Variants in PIK3CG observed in about 807,000 individuals in gnomAD.
PIK3CG encodes the protein phosphatidylinositol 4,5-bisphosphate 3-kinase catalytic subunit gamma isoform.
PIK3CG carries 55 observed loss-of-function variants against 102.3 expected under a neutral mutation model. The ratio of observed to expected loss-of-function variants is 0.54; its 90% confidence interval spans 0.43 to 0.67. The LOEUF is 0.67. PIK3CG is among the 30% of genes least tolerant of loss of function. PIK3CG has a pLI of 0.00. For missense variants in PIK3CG, 1,258 were observed against 1,391.8 expected (o/e 0.90, Z 1.53); for synonymous variants, 552 against 540.0 (o/e 1.02, Z -0.31).
At chr7:106,881,763 T>A (rs997058961) in intron 6 of PIK3CG, among the ~76,000 whole-genome samples, 1 of 152,084 alleles carries the variant, frequency 6.6e-6, no homozygotes, top group African/African-American at 2.4e-5. Flanking sequence ...GGCAGGAGAA[T>A]CACTTGAACC....
rs535245605 is a variant in PIK3CG, at chr7:106,894,282, G to A, written c.3030+7990G>A. The stretch of plus-strand genomic sequence containing the variant: ...CACAGACACACACACACACCCCTAC[G>A]TGCACGCTATCAGAATATTGACTAA... On this transcript the variant is annotated intron_variant, in intron 10 of 10. Coordinates refer to ENST00000496166, the MANE Select transcript of PIK3CG (RefSeq NM_001282426.2). This position sits in a 1 kb window ranked among gnomAD's most constrained non-coding sequence, Gnocchi z 4.4. Among the ~76,000 whole-genome samples, 1 of 151,904 alleles carries A rather than the reference G, an allele frequency of 6.6e-6. No homozygotes were observed. The highest frequency in any genetic ancestry group is 1.5e-5 in the Non-Finnish European group (1 of 67,958).
rs1276837799 is a variant in PIK3CG, at chr7:106,891,626, C to T, written c.3030+5334C>T. ...AGATGCTCTGTGCACACAGTAGGCA[C>T]CAAGCAAATCTGAAGTCATCAGGGG... On this transcript the variant is annotated intron_variant, in intron 10 of 10. Transcript: ENST00000496166. The surrounding 1 kb of genome is among the most constrained non-coding windows in gnomAD (Gnocchi z 4.4). Among the ~76,000 whole-genome samples the T allele has an allele frequency of 3.3e-5, 5 of 152,080 alleles. No individual in the cohort carries two copies. Among genetic ancestry groups the T allele is most frequent in the Non-Finnish European group, 5.9e-5 (4 of 68,024 alleles).
At chr7:106,896,361 C>T (rs977535999) in intron 10 of PIK3CG, among the ~76,000 whole-genome samples, 1 of 152,136 alleles carries the variant, frequency 6.6e-6, no homozygotes, top group Non-Finnish European at 1.5e-5. Flanking sequence ...TGTGGATCCC[C>T]CAGTGTATGG....
Position 106,874,787 on chromosome 7 carries a change from A to G in PIK3CG, c.2375A>G (p.Lys792Arg). 6.2e-7 allele frequency: 1 copy of G among 1,611,470 alleles called. No individual in the cohort carries two copies. Among genetic ancestry groups the G allele is most frequent in the Non-Finnish European group, 8.5e-7 (1 of 1,177,746 alleles). ...AGAGTTCCATATGATCCTGGACTGA[A>G]AGCAGGAGCGCTGGCAGTAGGTATC... is the stretch of plus-strand genomic sequence containing the variant. Reference protein sequence around the residue: ...SFRVPYDPGLKAGALAIEKCK... With the variant: ...SFRVPYDPGLRAGALAIEKCK... Residue 792 changes from lysine (K) to arginine (R), a missense_variant, in exon 5 of 11, where the codon AAA (lysine) becomes AGA (arginine). Lys to Arg is a conservative substitution (Grantham distance 26). This residue lies in a region of PIK3CG where 426 missense variants were observed against 604.2 expected (regional missense o/e 0.71). Transcript: ENST00000496166. The surrounding 1 kb of genome is among the most constrained non-coding windows in gnomAD (Gnocchi z 4.3).
rs1489463440 is a variant in PIK3CG at position 106,893,191 on chromosome 7, A to ATC, written c.3030+6901_3030+6902dup. Reference sequence around the variant, plus strand: ...AGCTGATAAAGGATTCCGTCTTGGGATCTGCACCCCGACCCACTGACTAGG... The same window carrying ATC: ...AGCTGATAAAGGATTCCGTCTTGGGATCTCTGCACCCCGACCCACTGACTAGG... On this transcript the variant is annotated intron_variant, in intron 10 of 10. Coordinates refer to ENST00000496166, the MANE Select transcript of PIK3CG (RefSeq NM_001282426.2). This position sits in a 1 kb window ranked among gnomAD's most constrained non-coding sequence, Gnocchi z 4.4. 6.6e-6 allele frequency among the ~76,000 whole-genome samples: 1 copy of ATC among 152,146 alleles called. No individual in the cohort carries two copies. Among genetic ancestry groups the ATC allele is most frequent in the Non-Finnish European group, 1.5e-5 (1 of 68,032 alleles).
Position 106,899,149 on chromosome 7 carries a change from T to A in PIK3CG, c.3031-5960T>A, listed in dbSNP as rs1018290439. Among the ~76,000 whole-genome samples the A allele has an allele frequency of 2.0e-5, 3 of 152,222 alleles. No individual in the cohort carries two copies. Among genetic ancestry groups the A allele is most frequent in the African/African-American group, 7.2e-5 (3 of 41,468 alleles). ...GCAATTGTGAACGGGATTGCCTTTC[T>A]GATTTGGCTCTTGGTTTGGCTGTTG... is the stretch of plus-strand genomic sequence containing the variant. On this transcript the variant is annotated intron_variant, in intron 10 of 10. Coordinates refer to ENST00000496166, the MANE Select transcript of PIK3CG (RefSeq NM_001282426.2). This position sits in a 1 kb window ranked among gnomAD's most constrained non-coding sequence, Gnocchi z 4.6.
In PIK3CG at chr7:106,884,066, C is replaced by T; in HGVS notation, c.2761-89C>T. ...TAACTTGCTCTCTGAAAATGGTTTC[C>T]AGAATATTCTCTTTTTAGAAGTCAT... is the stretch of plus-strand genomic sequence containing the variant. On this transcript the variant is annotated intron_variant, in intron 8 of 10. Coordinates refer to ENST00000496166, the MANE Select transcript of PIK3CG (RefSeq NM_001282426.2). The surrounding 1 kb of genome is among the most constrained non-coding windows in gnomAD (Gnocchi z 4.2). 3 of 1,017,690 alleles carry T rather than the reference C, an allele frequency of 2.9e-6. No individual in the cohort carries two copies. The highest frequency in any genetic ancestry group is 1.5e-5 in the South Asian group (1 of 68,772). 63.0% of individuals were successfully genotyped at this position (1,017,690 alleles called of 1,614,324 possible).
rs1008422314 is a variant in PIK3CG at position 106,894,899 on chromosome 7, A to C, written c.3030+8607A>C. On this transcript the variant is annotated intron_variant, in intron 10 of 10. Coordinates refer to ENST00000496166, the MANE Select transcript of PIK3CG (RefSeq NM_001282426.2). This position sits in a 1 kb window ranked among gnomAD's most constrained non-coding sequence, Gnocchi z 4.4. Reference sequence around the variant, plus strand: ...GATAGTTGGGGCAGTTAGCAAATCAAGTAAAAGTTTGGGCCCTGAAATGAT... The same window carrying C: ...GATAGTTGGGGCAGTTAGCAAATCACGTAAAAGTTTGGGCCCTGAAATGAT... 6.6e-6 allele frequency among the ~76,000 whole-genome samples: 1 copy of C among 152,222 alleles called. No individual in the cohort carries two copies. Among genetic ancestry groups the C allele is most frequent in the African/African-American group, 2.4e-5 (1 of 41,456 alleles).
chr7:106,868,214 A>C lies in PIK3CG; in HGVS notation c.653A>C (p.Asn218Thr), dbSNP rs1280292901. ...TACCTGTGGAAGAAGATTGCCAACA[A>C]CTGCATCTTCATCGTCATTCACCGC... ...PEYLWKKIANNCIFIVIHRST... is the reference protein window; with the variant it reads ...PEYLWKKIANTCIFIVIHRST... Residue 218 changes from asparagine to threonine, a missense_variant, in exon 2 of 11, where the codon AAC becomes ACC. Coordinates refer to ENST00000496166, the MANE Select transcript of PIK3CG (RefSeq NM_001282426.2). The surrounding 1 kb of genome is among the most constrained non-coding windows in gnomAD (Gnocchi z 6.2). The C allele has an allele frequency of 6.2e-7, 1 of 1,612,434 alleles. No individual in the cohort carries two copies. Among genetic ancestry groups the C allele is most frequent in the East Asian group, 2.2e-5 (1 of 44,868 alleles).
rs771667494 is a variant in PIK3CG at position 106,884,224 on chromosome 7, A to G, written c.2830A>G (p.Ile944Val). Reference sequence around the variant, plus strand: ...CTGTGTGGCAACCTTTGTTCTTGGAATAGGCGACAGACACAATGACAATAT... The same window carrying G: ...CTGTGTGGCAACCTTTGTTCTTGGAGTAGGCGACAGACACAATGACAATAT... ...GYCVATFVLGIGDRHNDNIMI... is the reference protein window; with the variant it reads ...GYCVATFVLGVGDRHNDNIMI... Residue 944 changes from isoleucine to valine, a missense_variant, in exon 9 of 11, where the codon ATA becomes GTA. Physicochemically the swap from Ile to Val is conservative, Grantham distance 29. Coordinates refer to ENST00000496166, the MANE Select transcript of PIK3CG (RefSeq NM_001282426.2). The surrounding 1 kb of genome is among the most constrained non-coding windows in gnomAD (Gnocchi z 4.2). The G allele has an allele frequency of 6.2e-7, 1 of 1,613,910 alleles. No homozygotes were observed. Among genetic ancestry groups the G allele is most frequent in the East Asian group, 2.2e-5 (1 of 44,858 alleles).
chr7:106,906,686 G>T lies in PIK3CG; in HGVS notation c.*1299G>T. On this transcript the variant is annotated 3_prime_UTR_variant, in exon 11 of 11. Coordinates refer to ENST00000496166, the MANE Select transcript of PIK3CG (RefSeq NM_001282426.2). ...CATTAAATTATTTATAAAATATTTT[G>T]TAATTACCTGTAGCTAATACATTAC... 1 of 226,962 alleles carries T rather than the reference G, an allele frequency of 4.4e-6. No homozygotes were observed. Among genetic ancestry groups the T allele is most frequent in the Non-Finnish European group, 8.7e-6 (1 of 114,358 alleles). 14.1% of individuals were successfully genotyped at this position (226,962 alleles called of 1,614,324 possible).
chr7:106,886,565 G>A (rs1791100697), intron 10 of PIK3CG, among the ~76,000 whole-genome samples: 1 of 152,154 alleles, frequency 6.6e-6, no homozygotes, highest in East Asian at 1.9e-4. Context: ...GGAACACCAG[G>A]ATGATGCTGG....
In PIK3CG at chr7:106,865,351, G is replaced by C. The variant is rs1476363890; in HGVS notation, c.-88G>C. ...GCGGAAGAATTTAGACGCACACTGG[G>C]TAGGTTTGAATTTGTTTTGTTTTCA... On this transcript the variant is annotated 5_prime_UTR_variant, in exon 1 of 11. Coordinates refer to ENST00000496166, the MANE Select transcript of PIK3CG (RefSeq NM_001282426.2). 2 of 152,178 alleles carry C rather than the reference G, an allele frequency of 1.3e-5. No homozygotes were observed. Among genetic ancestry groups the C allele is most frequent in the African/African-American group, 4.8e-5 (2 of 41,432 alleles). 9.4% of individuals were successfully genotyped at this position (152,178 alleles called of 1,614,324 possible). A position where few individuals can be genotyped will look rare whatever the true frequency, so the allele number is the denominator to read the frequency against.
intron 5 of PIK3CG, among the ~76,000 whole-genome samples, chr7:106,875,423 G>A (rs1209497655): frequency 1.3e-5 from 2 of 150,380 alleles, no homozygotes; most frequent in Non-Finnish European, 2.9e-5. Context: ...TATAACCACC[G>A]CCACAATCAA....
At position 106,895,580 on chromosome 7, in the gene PIK3CG, G is replaced by A. The variant is rs543402073; in HGVS notation, c.3030+9288G>A. On this transcript the variant is annotated intron_variant, in intron 10 of 10. Transcript: ENST00000496166. The surrounding 1 kb of genome is among the most constrained non-coding windows in gnomAD (Gnocchi z 5.4). ...CCATGACAGCCTCCCTTTGACACTGGTTGGAGTGAGGCTTATCCCCAACTC... is the reference window on the plus strand; with the variant it reads ...CCATGACAGCCTCCCTTTGACACTGATTGGAGTGAGGCTTATCCCCAACTC... Among the ~76,000 whole-genome samples, 1 of 152,274 alleles carries A rather than the reference G, an allele frequency of 6.6e-6. No individual in the cohort carries two copies. The highest frequency in any genetic ancestry group is 1.5e-5 in the Non-Finnish European group (1 of 68,018).
chr7:106,900,818 C>T (rs905162219), intron 10 of PIK3CG, among the ~76,000 whole-genome samples: 2 of 152,230 alleles, frequency 1.3e-5, no homozygotes, highest in Non-Finnish European at 2.9e-5. Flanking sequence ...ACTTAGGAAG[C>T]TTAGTTTGTC....
Position 106,884,066 on chromosome 7 carries a change from C to A in PIK3CG, c.2761-89C>A. ...TAACTTGCTCTCTGAAAATGGTTTCCAGAATATTCTCTTTTTAGAAGTCAT... is the reference window on the plus strand; with the variant it reads ...TAACTTGCTCTCTGAAAATGGTTTCAAGAATATTCTCTTTTTAGAAGTCAT... On this transcript the variant is annotated intron_variant, in intron 8 of 10. Transcript: ENST00000496166. The surrounding 1 kb of genome is among the most constrained non-coding windows in gnomAD (Gnocchi z 4.2). 1 of 1,017,694 alleles carries A rather than the reference C, an allele frequency of 9.8e-7. No homozygotes were observed. The highest frequency in any genetic ancestry group is 1.5e-5 in the South Asian group (1 of 68,772). 63.0% of individuals were successfully genotyped at this position (1,017,694 alleles called of 1,614,324 possible). A position where few individuals can be genotyped will look rare whatever the true frequency, so the allele number is the denominator to read the frequency against.
Position 106,882,169 on chromosome 7 carries a change from T to G in PIK3CG, c.2591T>G (p.Leu864Arg). The change falls in exon 7 of 11, where the codon CTC becomes CGC. Residue 864 changes from leucine to arginine, a missense_variant. Physicochemically the swap from Leu to Arg is moderately radical, Grantham distance 102. Transcript: ENST00000496166. ...IWETESLDLC[L>R]LPYGCISTGD... ...GAGACTGAATCTTTGGATCTATGCC[T>G]CCTGCCATATGGTTGCATTTCAACT... The G allele has an allele frequency of 6.3e-7, 1 of 1,579,892 alleles. No individual in the cohort carries two copies. Among genetic ancestry groups the G allele is most frequent in the Non-Finnish European group, 8.6e-7 (1 of 1,162,868 alleles).
Position 106,879,757 on chromosome 7 carries a change from CTCTTCTT to C in PIK3CG, c.2538+95_2538+101del, listed in dbSNP as rs1050717389. On this transcript the variant is annotated intron_variant, in intron 6 of 10. Transcript: ENST00000496166. The surrounding 1 kb of genome is among the most constrained non-coding windows in gnomAD (Gnocchi z 4.9). ...TTCTCCTACTGGCTCTATTCCCACT[CTCTTCTT>C]TCAAGTGATGAATTGTGATCAAATA... is the stretch of plus-strand genomic sequence containing the variant. The C allele has an allele frequency of 4.3e-6, 4 of 921,958 alleles. No homozygotes were observed. Among genetic ancestry groups the C allele is most frequent in the South Asian group, 3.1e-5 (2 of 63,862 alleles). The allele number at this position is 921,958 out of a possible 1,614,324, so 57.1% of individuals were successfully genotyped here. A position where few individuals can be genotyped will look rare whatever the true frequency, so the allele number is the denominator to read the frequency against.
Sources: allele counts gnomAD v4.1 joint callset (sites outside exome capture counted in the v4.1 genomes callset), GRCh38; gene constraint gnomAD v4.1.1; regional missense constraint gnomAD v4.1.1; non-coding constraint Gnocchi (gnomAD v3.1); transcripts MANE v1.5; gene names NCBI Gene and HGNC (gene_info 2026-07-23, HGNC 2026-07-21).